Variants in DOCK4 observed in about 807,000 individuals in gnomAD.
The protein encoded by DOCK4 is dedicator of cytokinesis protein 4.
In DOCK4, 97 loss-of-function variants were observed where a neutral mutation model predicts 268.1. The ratio of observed to expected loss-of-function variants is 0.36; its 90% CI spans 0.31 to 0.43. The LOEUF is 0.43. DOCK4 is among the 20% of genes least tolerant of loss of function. The pLI is 1.00. For missense variants in DOCK4, 2,145 were observed against 2,455.7 expected, an observed-to-expected ratio of 0.87 and a Z score of 2.67; for synonymous variants, 954 against 887.2, an observed-to-expected ratio of 1.08 and a Z score of -1.34.
At position 111,728,493 on chromosome 7, in the gene DOCK4, G is replaced by C; in HGVS notation, c.5709C>G (p.Arg1903=). 1.2e-6 allele frequency: 2 copies of C among 1,613,138 alleles called. No individual in the cohort carries two copies. The highest frequency in any genetic ancestry group is 1.7e-6 in the Non-Finnish European group (2 of 1,179,716). ...ACGGGGGCGGAGTCTTGCTCTCCTT[G>C]CGCACTGGCTCCTCCCCGCCGTAGC... ...VPSYGGEEPV[R]KESKTPPPYS... The change falls in exon 53 of 53, where the codon CGC becomes CGG. Residue 1903 remains arginine, a synonymous_variant. Transcript: ENST00000428084.
chr7:111,913,389 G>A (rs1416572377), intron 13 of DOCK4, among the ~76,000 whole-genome samples: 1 of 151,054 alleles, frequency 6.6e-6, no homozygotes, highest in Non-Finnish European at 1.5e-5. Context: ...GGGCAACATA[G>A]GGAGATCCCA....
At position 111,727,627 on chromosome 7, in the gene DOCK4, G is replaced by A. The variant is rs909369581; in HGVS notation, c.*647C>T. Reference sequence around the variant, plus strand: ...ATACAGTAGATACCACGGTGTCAGGGTAGTAAGGGATTTAGCTACCAATTC... The same window carrying A: ...ATACAGTAGATACCACGGTGTCAGGATAGTAAGGGATTTAGCTACCAATTC... On this transcript the variant is annotated 3_prime_UTR_variant, in exon 53 of 53. Transcript: ENST00000428084. 6.6e-6 allele frequency: 1 copy of A among 152,566 alleles called. No individual in the cohort carries two copies. Among genetic ancestry groups the A allele is most frequent in the African/African-American group, 2.4e-5 (1 of 41,448 alleles). 9.5% of individuals were successfully genotyped at this position (152,566 alleles called of 1,614,324 possible). A position where few individuals can be genotyped will look rare whatever the true frequency, so the allele number is the denominator to read the frequency against.
At chr7:111,762,762 C>CTTT (rs869052136) in intron 39 of DOCK4, among the ~76,000 whole-genome samples, 5,214 of 62,770 alleles carry the variant, frequency 0.083, 1,062 homozygotes, top group Non-Finnish European at 0.12. Flanking sequence ...GTTTTGTTTT[C>CTTT]TTTTTTTTTT....
At chr7:111,834,396 CT>C (rs1803074870) in intron 26 of DOCK4, among the ~76,000 whole-genome samples, 191 bp downstream of exon 26, 1 of 152,096 alleles carries the variant, frequency 6.6e-6, no homozygotes, top group African/African-American at 2.4e-5. Context: ...GAGTTAATAG[CT>C]TTGCTTGAGT....
chr7:111,975,014 C>A (rs546096368), intron 8 of DOCK4, among the ~76,000 whole-genome samples: 1 of 152,174 alleles, frequency 6.6e-6, no homozygotes, highest in South Asian at 2.1e-4. Flanking sequence ...GCCTATAATC[C>A]CCAGCACTTT....
chr7:111,900,954 C>T (rs1791091535), intron 14 of DOCK4, among the ~76,000 whole-genome samples: 1 of 152,188 alleles, frequency 6.6e-6, no homozygotes. Flanking sequence ...AATACTTCTT[C>T]CATAAAAACA....
intron 12 of DOCK4, among the ~76,000 whole-genome samples, chr7:111,923,872 T>C (rs542905636): frequency 3.3e-5 from 5 of 152,350 alleles, no homozygotes; most frequent in Admixed American, 2.6e-4. Context: ...GTTTTCCAAC[T>C]ATGCTCGTTT....
At chr7:112,107,925 T>C (rs1292659596) in intron 1 of DOCK4, among the ~76,000 whole-genome samples, 2 of 152,202 alleles carry the variant, frequency 1.3e-5, no homozygotes, top group East Asian at 3.8e-4. Context: ...CTGAGGAATT[T>C]ATACTAAATT....
intron 51 of DOCK4, 88 bp from the exon 52 acceptor site, chr7:111,732,375 C>T: frequency 7.3e-7 from 1 of 1,371,866 alleles, no homozygotes; most frequent in East Asian, 2.3e-5. Flanking sequence ...CAAACCCAAA[C>T]AGATGATCCA....
chr7:112,122,043 T>C (rs374453590), intron 1 of DOCK4, among the ~76,000 whole-genome samples: 10 of 152,334 alleles, frequency 6.6e-5, no homozygotes, highest in African/African-American at 2.4e-4. Flanking sequence ...CATTTAAGTT[T>C]TCCCTTGGAT....
At chr7:112,027,929 C>G (rs1802946054) in intron 1 of DOCK4, among the ~76,000 whole-genome samples, 1 of 152,080 alleles carries the variant, frequency 6.6e-6, no homozygotes, top group Admixed American at 6.6e-5. Context: ...GCCATGAAAC[C>G]AAAGAGTTAC....
At chr7:111,988,124 C>G (rs1799195161) in intron 6 of DOCK4, among the ~76,000 whole-genome samples, 1 of 152,120 alleles carries the variant, frequency 6.6e-6, no homozygotes, top group African/African-American at 2.4e-5. Context: ...TGGTTCACTT[C>G]CTGTCATTTT....
At position 111,819,687 on chromosome 7, in the gene DOCK4, G is replaced by C. The variant is rs1284006396; in HGVS notation, c.2930+2675C>G. ...TTTACTTGAAAACAGAGGAAGAAAG[G>C]ACCAACACATAAAAGAACATTCATT... On this transcript the variant is annotated intron_variant, in intron 27 of 52. Transcript: ENST00000428084. The C allele has an allele frequency of 2.0e-5, 3 of 152,126 alleles. No individual in the cohort carries two copies. The East Asian group carries it at 5.8e-4, about 29-fold the overall frequency. The allele number at this position is 152,126 out of a possible 1,614,324, so 9.4% of individuals were successfully genotyped here.
At chr7:112,071,752 T>C (rs117654707) in intron 1 of DOCK4, among the ~76,000 whole-genome samples, 3 of 152,326 alleles carry the variant, frequency 2.0e-5, no homozygotes, top group Non-Finnish European at 4.4e-5. Context: ...TGTCCTTGCC[T>C]TAGCAGAGGA....
intron 16 of DOCK4, among the ~76,000 whole-genome samples, chr7:111,892,276 C>G (rs1808347361): frequency 6.6e-6 from 1 of 152,194 alleles, no homozygotes; most frequent in South Asian, 2.1e-4. Flanking sequence ...TCTCGGCTCA[C>G]TGTAACCTCC....
Position 112,066,558 on chromosome 7 carries a change from G to A in DOCK4, c.38-62427C>T, listed in dbSNP as rs201445675. Among the ~76,000 whole-genome samples, 100 of 109,124 alleles carry A rather than the reference G, an allele frequency of 9.2e-4. 1 individual carries two copies. The East Asian group carries it at 0.034, about 37-fold the overall frequency. The allele number at this position is 109,124 out of a possible 152,430, so 71.6% of individuals were successfully genotyped here. The stretch of plus-strand genomic sequence containing the variant: ...TATATATACATACACACATATATAC[G>A]TATATATACACGTGTGTATATGTAT... On this transcript the variant is annotated intron_variant, in intron 1 of 52. Transcript: ENST00000428084.
At chr7:111,937,783 C>G (rs986749963) in intron 11 of DOCK4, among the ~76,000 whole-genome samples, 34 of 152,302 alleles carry the variant, frequency 2.2e-4, no homozygotes, top group African/African-American at 8.2e-4. Flanking sequence ...TGGAGCAAGA[C>G]AGTCCTGACC....
chr7:111,883,692 T>A (rs1807607837), intron 16 of DOCK4, among the ~76,000 whole-genome samples: 1 of 152,102 alleles, frequency 6.6e-6, no homozygotes. Flanking sequence ...ATAGAAGACT[T>A]GGCTGCTTTT....
chr7:111,906,113 A>G (rs117810084), intron 13 of DOCK4, among the ~76,000 whole-genome samples: 4,051 of 152,282 alleles, frequency 0.027, 80 homozygotes, highest in Non-Finnish European at 0.042. Flanking sequence ...AATTCCATGC[A>G]GTAAGAATGG....
Sources: allele counts gnomAD v4.1 joint callset (sites outside exome capture counted in the v4.1 genomes callset), GRCh38; gene constraint gnomAD v4.1.1; transcripts MANE v1.5; gene names NCBI Gene and HGNC (gene_info 2026-07-23, HGNC 2026-07-21).